Variants in ZNF223 observed in about 807,000 individuals in gnomAD.
ZNF223 encodes zinc finger protein 223, also known as Homo sapiens zinc finger protein 223.
A neutral mutation model predicts 12.3 loss-of-function variants in ZNF223; 9 were observed. The observed-to-expected ratio is 0.73, with a 90% CI of 0.44 to 1.28. ZNF223 has a LOEUF of 1.28. Ranked by LOEUF, ZNF223 falls within the 50% of genes most tolerant of loss-of-function variation. ZNF223 has a pLI of 0.00. For missense variants in ZNF223, 506 were observed against 579.0 expected, an observed-to-expected ratio of 0.87 and a Z score of 1.29; for synonymous variants, 171 against 195.2, an observed-to-expected ratio of 0.88 and a Z score of 1.03.
intron 4 of ZNF223, among the ~76,000 whole-genome samples, chr19:44,065,156 A>G (rs566918028): frequency 3.3e-5 from 5 of 152,324 alleles, no homozygotes; most frequent in Admixed American, 6.5e-5. Context: ...TTTGCCCCCA[A>G]GCAAACAGAG....
chr19:44,065,778 A>G lies in ZNF223; in HGVS notation c.236-286A>G, dbSNP rs1483405835. Among the ~76,000 whole-genome samples the G allele has an allele frequency of 2.0e-5, 3 of 151,814 alleles. No individual in the cohort carries two copies. In the East Asian group the frequency reaches 5.8e-4, roughly 29 times the overall value. ...TTTTTAATAGAGACGGGGTTTCACT[A>G]TGTTGGTCAGGCTGGTCCCGAATTC... On this transcript the variant is annotated intron_variant, in intron 4 of 4. Coordinates refer to ENST00000434772, the MANE Select transcript of ZNF223 (RefSeq NM_013361.6).
Position 44,066,380 on chromosome 19 carries a change from C to A in ZNF223, c.552C>A (p.Ser184Arg). The A allele has an allele frequency of 6.2e-7, 1 of 1,614,202 alleles. No individual in the cohort carries two copies. The highest frequency in any genetic ancestry group is 1.7e-4 in the Middle Eastern group (1 of 6,060). Residue 184 changes from serine to arginine, a missense_variant, in exon 5 of 5, where the codon AGC becomes AGA. Transcript: ENST00000434772. Reference sequence around the variant, plus strand: ...ATTCCTGTGATGAGTGTGGAAAAAGCTTCTGTTACATCTCAGCGCTTCATA... The same window carrying A: ...ATTCCTGTGATGAGTGTGGAAAAAGATTCTGTTACATCTCAGCGCTTCATA... ...KSHSCDECGK[S>R]FCYISALHIH...
At chr19:44,053,072 T>A (rs187186283) in intron 1 of ZNF223, among the ~76,000 whole-genome samples, 191 of 152,334 alleles carry the variant, frequency 1.3e-3, no homozygotes, top group Non-Finnish European at 2.0e-3. Context: ...TGTCTTTAGC[T>A]GTCACATTTC....
chr19:44,058,761 A>G (rs1375745502), intron 2 of ZNF223, among the ~76,000 whole-genome samples: 1 of 152,220 alleles, frequency 6.6e-6, no homozygotes, highest in Non-Finnish European at 1.5e-5. Context: ...AACAGTATCT[A>G]TCGGCCATTG....
At chr19:44,051,837 C>T (rs1568510362), upstream of ZNF223, 1 of 152,192 alleles carries the variant, frequency 6.6e-6, no homozygotes, top group Admixed American at 6.5e-5. Flanking sequence ...AAGAGTAGTC[C>T]ATTTTACGGG....
In ZNF223 at chr19:44,066,947, A is replaced by C; in HGVS notation, c.1119A>C (p.Lys373Asn). 1 of 1,614,196 alleles carries C rather than the reference A, an allele frequency of 6.2e-7. No individual in the cohort carries two copies. Among genetic ancestry groups the C allele is most frequent in the South Asian group, 1.1e-5 (1 of 91,086 alleles). Residue 373 changes from lysine to asparagine, a missense_variant, in exon 5 of 5, where the codon AAA (lysine) becomes AAC (asparagine). Transcript: ENST00000434772. Reference protein sequence around the residue: ...QRVHTGEKPYKCDKCGKSYIT... With the variant: ...QRVHTGEKPYNCDKCGKSYIT... ...TCCACACTGGAGAAAAGCCATACAA[A>C]TGTGACAAGTGTGGGAAGAGCTACA...
chr19:44,055,112 C>T lies in ZNF223; in HGVS notation c.-65C>T. The T allele has an allele frequency of 1.3e-6, 2 of 1,563,790 alleles. No homozygotes were observed. Among genetic ancestry groups the T allele is most frequent in the Non-Finnish European group, 1.8e-6 (2 of 1,138,628 alleles). ...CTGTCTTCATGGCACTTTCCAGGCA[C>T]AATTCTGCTTTCCCTGGAACTGTGT... On this transcript the variant is annotated 5_prime_UTR_variant, in exon 2 of 5. The change creates a premature stop within an existing upstream ORF in the 5' untranslated region. Coordinates refer to ENST00000434772, the MANE Select transcript of ZNF223 (RefSeq NM_013361.6).
Position 44,055,182 on chromosome 19 carries a change from C to T in ZNF223, c.6C>T (p.Thr2=). The change falls in exon 2 of 5, where the codon ACC becomes ACT. Residue 2 remains threonine (T), a synonymous_variant. Transcript: ENST00000434772. The part of the protein sequence containing the change: M[T]MSKEAVTFKD... ...TCCCTAAAGTAGGAGGAAAAATGACCATGTCCAAGGTAAGTAGGACTTGCC... is the reference window on the plus strand; with the variant it reads ...TCCCTAAAGTAGGAGGAAAAATGACTATGTCCAAGGTAAGTAGGACTTGCC... The T allele has an allele frequency of 6.2e-7, 1 of 1,612,938 alleles. No individual in the cohort carries two copies.
intron 4 of ZNF223, chr19:44,063,652 G>A (rs1354795191): frequency 6.6e-6 from 1 of 152,270 alleles, no homozygotes; most frequent in Non-Finnish European, 1.5e-5. Flanking sequence ...TTTGTGGCTG[G>A]GCCCCTCTCC....
intron 3 of ZNF223, 36 bp from the exon 4 acceptor site, chr19:44,060,713 T>G (rs529043701): frequency 1.2e-6 from 2 of 1,613,626 alleles, no homozygotes; most frequent in Non-Finnish European, 1.7e-6. Context: ...ATCTAGAATA[T>G]GTTGGGATTA....
Position 44,066,701 on chromosome 19 carries a change from G to A in ZNF223, c.873G>A (p.Glu291=). 6.2e-7 allele frequency: 1 copy of A among 1,614,196 alleles called. No individual in the cohort carries two copies. ...CAGGGGAGAAGCCATTCAAATGTGA[G>A]ATATGTAGTGTGAGCTTCCGTCTTA... ...IHTGEKPFKC[E]ICSVSFRLRS... is the part of the protein sequence containing the mutation. The change falls in exon 5 of 5, where the codon GAG becomes GAA. Residue 291 remains glutamate, a synonymous_variant. Transcript: ENST00000434772.
rs1409586763 is a variant in ZNF223 at position 44,067,632 on chromosome 19, G to T, written c.*355G>T. On this transcript the variant is annotated 3_prime_UTR_variant, in exon 5 of 5. Coordinates refer to ENST00000434772, the MANE Select transcript of ZNF223 (RefSeq NM_013361.6). ...TTCCCCATGTGATTGAGGACAGTTT[G>T]AAGTTAGTGTTTCAGCCATAGCTCA... 2 of 406,958 alleles carry T rather than the reference G, an allele frequency of 4.9e-6. No homozygotes were observed. The highest frequency in any genetic ancestry group is 1.1e-4 in the East Asian group (2 of 17,686). The allele number at this position is 406,958 out of a possible 1,614,324, so 25.2% of individuals were successfully genotyped here. A position where few individuals can be genotyped will look rare whatever the true frequency, so the allele number is the denominator to read the frequency against.
chr19:44,056,585 A>ATTTTTTTTTTTTTTTTTTTT (rs775187674), intron 2 of ZNF223, among the ~76,000 whole-genome samples: 6 of 72,158 alleles, frequency 8.3e-5, no homozygotes, highest in African/African-American at 4.0e-4. Context: ...ATGCCTCACC[A>ATTTTTTTTTTTTTTTTTTTT]TTTTTTTTTT....
At chr19:44,053,843 G>A (rs1159496051) in intron 1 of ZNF223, among the ~76,000 whole-genome samples, 1 of 152,178 alleles carries the variant, frequency 6.6e-6, no homozygotes, top group African/African-American at 2.4e-5. Context: ...ACTGGAGAAT[G>A]GCAATGACTT....
At chr19:44,058,278 T>TA (rs1976794726) in intron 2 of ZNF223, among the ~76,000 whole-genome samples, 1 of 152,220 alleles carries the variant, frequency 6.6e-6, no homozygotes, top group South Asian at 2.1e-4. Flanking sequence ...CTGACCCAGA[T>TA]ATCCCTCTTA....
chr19:44,066,940 C>T lies in ZNF223; in HGVS notation c.1112C>T (p.Pro371Leu). Reference protein sequence around the residue: ...IHQRVHTGEKPYKCDKCGKSY... With the variant: ...IHQRVHTGEKLYKCDKCGKSY... ...CAGCGAGTCCACACTGGAGAAAAGC[C>T]ATACAAATGTGACAAGTGTGGGAAG... is the stretch of plus-strand genomic sequence containing the variant. Residue 371 changes from proline to leucine, a missense_variant, in exon 5 of 5, where the codon CCA becomes CTA. Physicochemically the swap from Pro to Leu is moderately conservative, Grantham distance 98 (BLOSUM62 -3). Transcript: ENST00000434772. 6.2e-7 allele frequency: 1 copy of T among 1,614,184 alleles called. No homozygotes were observed.
chr19:44,065,942 T>C, intron 4 of ZNF223, 122 bp from the exon 5 acceptor site: 3 of 1,451,288 alleles, frequency 2.1e-6, no homozygotes. Flanking sequence ...GAAACCAGGG[T>C]GCACTTGGAA....
intron 2 of ZNF223, among the ~76,000 whole-genome samples, chr19:44,057,658 G>T (rs1215916733): frequency 1.3e-5 from 2 of 152,186 alleles, no homozygotes; most frequent in African/African-American, 2.4e-5. Context: ...CATGTCTGAG[G>T]TCACATGGTT....
intron 2 of ZNF223, among the ~76,000 whole-genome samples, chr19:44,056,783 A>G (rs1299945738): frequency 1.1e-4 from 16 of 151,476 alleles, no homozygotes. Flanking sequence ...TGTTTTTAGT[A>G]GAGACGGGGT....
Sources: gnomAD v4.1 joint callset for allele counts (sites outside exome capture counted in the v4.1 genomes callset) on GRCh38, gnomAD v4.1.1 for gene constraint, MANE v1.5 for transcripts, NCBI Gene and HGNC (gene_info 2026-07-23, HGNC 2026-07-21) for gene names.